Variants in STAT1 observed in about 807,000 individuals in gnomAD.
STAT1 encodes signal transducer and activator of transcription 1-alpha/beta.
STAT1 carries 24 observed loss-of-function variants against 111.7 expected under a neutral mutation model. The ratio of observed to expected loss-of-function variants is 0.21; its 90% CI spans 0.16 to 0.30. STAT1 has a LOEUF of 0.30. Ranked by LOEUF, STAT1 falls within the 10% of genes least tolerant of loss-of-function variation. STAT1 has a pLI of 1.00. For synonymous variants in STAT1, 332 were observed against 326.5 expected, an observed-to-expected ratio of 1.02 and a Z score of -0.18; for missense variants, 351 against 911.9, an observed-to-expected ratio of 0.38 and a Z score of 7.92.
In STAT1 at chr2:190,982,621, T is replaced by C. The variant is rs1039647060; in HGVS notation, c.1447-103A>G. On this transcript the variant is annotated intron_variant, in intron 17 of 24. Coordinates refer to ENST00000361099, the MANE Select transcript of STAT1 (RefSeq NM_007315.4). The surrounding 1 kb of genome is among the most constrained non-coding windows in gnomAD (Gnocchi z 7.3). ...TCCCAAAGTTCAATTCTAGTTTATA[T>C]GACACACAGGTGCTTTCACAGTAGG... The C allele has an allele frequency of 9.3e-6, 12 of 1,292,846 alleles. No homozygotes were observed. The highest frequency in any genetic ancestry group is 2.4e-5 in the South Asian group (2 of 83,216). 80.1% of individuals were successfully genotyped at this position (1,292,846 alleles called of 1,614,324 possible).
At chr2:190,985,857 C>T (rs543501196) in intron 14 of STAT1, among the ~76,000 whole-genome samples, 197 bp from the exon 15 acceptor site, 10 of 152,296 alleles carry the variant, frequency 6.6e-5, no homozygotes, top group South Asian at 2.1e-4. Context: ...CCTCATGGTG[C>T]GGACACCAGT....
rs770905993 is a variant in STAT1, at chr2:190,993,638, C to T, written c.944+1423G>A. Reference sequence around the variant, plus strand: ...GCTGCTGCCCTGACTCTCTGCACCACGGGTAACTGAAGGAAAGGAATGAGA... The same window carrying T: ...GCTGCTGCCCTGACTCTCTGCACCATGGGTAACTGAAGGAAAGGAATGAGA... On this transcript the variant is annotated intron_variant, in intron 10 of 24. Transcript: ENST00000361099. This position sits in a 1 kb window ranked among gnomAD's most constrained non-coding sequence, Gnocchi z 4.1. 81 of 553,660 alleles carry T rather than the reference C, an allele frequency of 1.5e-4. 2 individuals are homozygous for T. Among genetic ancestry groups the T allele is most frequent in the South Asian group, 9.4e-4 (59 of 62,802 alleles). The allele number at this position is 553,660 out of a possible 1,614,324, so 34.3% of individuals were successfully genotyped here. A position where few individuals can be genotyped will look rare whatever the true frequency, so the allele number is the denominator to read the frequency against.
At chr2:191,008,821 T>C in intron 4 of STAT1, 142 bp downstream of exon 4, 2 of 842,862 alleles carry the variant, frequency 2.4e-6, no homozygotes, top group South Asian at 3.4e-5. Flanking sequence ...TTACTGATGC[T>C]GTAGAAAACA....
rs903479268 is a variant in STAT1 at position 190,993,679 on chromosome 2, G to C, written c.944+1382C>G. On this transcript the variant is annotated intron_variant, in intron 10 of 24. Coordinates refer to ENST00000361099, the MANE Select transcript of STAT1 (RefSeq NM_007315.4). This position sits in a 1 kb window ranked among gnomAD's most constrained non-coding sequence, Gnocchi z 4.1. ...AGGAATGAGATAGGCTGTTCTGGGA[G>C]AGTAAATGTCTTCCCCGACTCTGCC... The C allele has an allele frequency of 1.5e-5, 7 of 460,624 alleles. No homozygotes were observed. Among genetic ancestry groups the C allele is most frequent in the Admixed American group, 1.1e-4 (4 of 34,852 alleles). The allele number at this position is 460,624 out of a possible 1,614,324, so 28.5% of individuals were successfully genotyped here. A position where few individuals can be genotyped will look rare whatever the true frequency, so the allele number is the denominator to read the frequency against.
In STAT1 at chr2:190,999,560, TTCGTTA is replaced by T. The variant is rs1694105273; in HGVS notation, c.541+60_541+65del. ...CGGCAAATAGAAAGGAGTAATCATC[TTCGTTA>T]TCTAGTGTGAACAGAAAAAATTGCA... On this transcript the variant is annotated intron_variant, in intron 7 of 24. Coordinates refer to ENST00000361099, the MANE Select transcript of STAT1 (RefSeq NM_007315.4). The surrounding 1 kb of genome is among the most constrained non-coding windows in gnomAD (Gnocchi z 4.1). The T allele has an allele frequency of 1.3e-5, 14 of 1,089,490 alleles. No homozygotes were observed. Among genetic ancestry groups the T allele is most frequent in the Non-Finnish European group, 2.0e-5 (14 of 703,026 alleles). 67.5% of individuals were successfully genotyped at this position (1,089,490 alleles called of 1,614,324 possible).
Position 190,995,298 on chromosome 2 carries a change from T to G in STAT1, c.786-79A>C. On this transcript the variant is annotated intron_variant, in intron 9 of 24. Coordinates refer to ENST00000361099, the MANE Select transcript of STAT1 (RefSeq NM_007315.4). The surrounding 1 kb of genome is among the most constrained non-coding windows in gnomAD (Gnocchi z 4.2). Reference sequence around the variant, plus strand: ...TGGATTAAAGGGAATCATGGTATATTAGTCCATTCTCATGCTGCTAATAAA... The same window carrying G: ...TGGATTAAAGGGAATCATGGTATATGAGTCCATTCTCATGCTGCTAATAAA... 2.2e-6 allele frequency: 3 copies of G among 1,377,794 alleles called. No individual in the cohort carries two copies. The highest frequency in any genetic ancestry group is 3.1e-6 in the Non-Finnish European group (3 of 969,896). 85.3% of individuals were successfully genotyped at this position (1,377,794 alleles called of 1,614,324 possible).
Position 190,989,761 on chromosome 2 carries a change from A to T in STAT1, c.1038-87T>A. ...GCCAATTCCCTATTAACGTTTAGAT[A>T]AACTACTCCCCCTCCAGTTTTAGGG... On this transcript the variant is annotated intron_variant, in intron 11 of 24. Coordinates refer to ENST00000361099, the MANE Select transcript of STAT1 (RefSeq NM_007315.4). This position sits in a 1 kb window ranked among gnomAD's most constrained non-coding sequence, Gnocchi z 5.0. 1.1e-6 allele frequency: 1 copy of T among 916,208 alleles called. No individual in the cohort carries two copies. Among genetic ancestry groups the T allele is most frequent in the East Asian group, 2.6e-5 (1 of 37,774 alleles). The allele number at this position is 916,208 out of a possible 1,614,324, so 56.8% of individuals were successfully genotyped here.
In STAT1 at chr2:190,971,772, G is replaced by A. The variant is rs1057425526; in HGVS notation, c.2239-1055C>T. Among the ~76,000 whole-genome samples the A allele has an allele frequency of 3.3e-5, 5 of 152,042 alleles. No homozygotes were observed. Among genetic ancestry groups the A allele is most frequent in the African/African-American group, 1.2e-4 (5 of 41,454 alleles). ...CTGTTGCCCAGACTGGAGTGCAGTG[G>A]CACCATCTTGGCTCACTGCAACCTC... On this transcript the variant is annotated intron_variant, in intron 24 of 24. Transcript: ENST00000361099. This position sits in a 1 kb window ranked among gnomAD's most constrained non-coding sequence, Gnocchi z 4.1.
chr2:190,992,802 T>G (rs1014019315), intron 10 of STAT1: 1 of 500,920 alleles, frequency 2.0e-6, no homozygotes. Context: ...TCTTTTTTTT[T>G]TTTTTGAGAC....
Position 190,981,740 on chromosome 2 carries a change from A to C in STAT1, c.1582+643T>G, listed in dbSNP as rs1287372444. 1.3e-5 allele frequency among the ~76,000 whole-genome samples: 2 copies of C among 152,254 alleles called. No homozygotes were observed. Among genetic ancestry groups the C allele is most frequent in the Non-Finnish European group, 2.9e-5 (2 of 68,048 alleles). Reference sequence around the variant, plus strand: ...ACAAGTTGTCCACGGATTTTTAAAGAAATAGTTCAGATAGCCTCACTCACT... The same window carrying C: ...ACAAGTTGTCCACGGATTTTTAAAGCAATAGTTCAGATAGCCTCACTCACT... On this transcript the variant is annotated intron_variant, in intron 18 of 24. Transcript: ENST00000361099. The surrounding 1 kb of genome is among the most constrained non-coding windows in gnomAD (Gnocchi z 4.1).
At chr2:191,009,176 G>A in intron 3 of STAT1, 69 bp from the exon 4 acceptor site, 1 of 1,542,794 alleles carries the variant, frequency 6.5e-7, no homozygotes, top group South Asian at 1.2e-5. Context: ...CAAAACAAAT[G>A]TTGGTTTCCT....
chr2:190,994,658 C>T (rs550558255), intron 10 of STAT1, among the ~76,000 whole-genome samples: 92 of 152,100 alleles, frequency 6.0e-4, no homozygotes, highest in African/African-American at 2.2e-3. Flanking sequence ...CAGTGGCTCA[C>T]GCCTGTAATC....
chr2:191,010,306 A>G (rs565708160), intron 2 of STAT1: 6 of 484,992 alleles, frequency 1.2e-5, no homozygotes, highest in Non-Finnish European at 2.1e-5. Context: ...CCCTGGAAAC[A>G]TGCTCTCTCT....
In STAT1 at chr2:190,983,419, T is replaced by C. The variant is rs141856742; in HGVS notation, c.1446+223A>G. ...TAACAATAAAGTGGTATGGAATCAC[T>C]GACTGCCCTAGCTTACCCACATGGG... On this transcript the variant is annotated intron_variant, in intron 17 of 24. Transcript: ENST00000361099. This position sits in a 1 kb window ranked among gnomAD's most constrained non-coding sequence, Gnocchi z 5.7. Among the ~76,000 whole-genome samples, 62 of 152,360 alleles carry C rather than the reference T, an allele frequency of 4.1e-4. No homozygotes were observed. The highest frequency in any genetic ancestry group is 3.4e-3 in the Middle Eastern group (1 of 294).
In STAT1 at chr2:190,999,404, G is replaced by A. The variant is rs576453758; in HGVS notation, c.541+222C>T. On this transcript the variant is annotated intron_variant, in intron 7 of 24. Coordinates refer to ENST00000361099, the MANE Select transcript of STAT1 (RefSeq NM_007315.4). This position sits in a 1 kb window ranked among gnomAD's most constrained non-coding sequence, Gnocchi z 4.1. ...TACTGGCATCTGGTGGGTAAAAGTC[G>A]GGGATGCTGTTAAACACGCTACAAT... Among the ~76,000 whole-genome samples, 20 of 152,212 alleles carry A rather than the reference G, an allele frequency of 1.3e-4. No individual in the cohort carries two copies. Among genetic ancestry groups the A allele is most frequent in the African/African-American group, 3.4e-4 (14 of 41,504 alleles).
Position 190,989,493 on chromosome 2 carries a change from C to T in STAT1, c.1097+122G>A. The stretch of plus-strand genomic sequence containing the variant: ...CTGGGGCCCTAGGGAGGCAAACTTC[C>T]ACCCAGTATAGACCCTTCCACAGCT... On this transcript the variant is annotated intron_variant, in intron 12 of 24. Coordinates refer to ENST00000361099, the MANE Select transcript of STAT1 (RefSeq NM_007315.4). The surrounding 1 kb of genome is among the most constrained non-coding windows in gnomAD (Gnocchi z 5.0). The T allele has an allele frequency of 1.5e-6, 1 of 669,462 alleles. No homozygotes were observed. The highest frequency in any genetic ancestry group is 2.5e-6 in the Non-Finnish European group (1 of 398,602). 41.5% of individuals were successfully genotyped at this position (669,462 alleles called of 1,614,324 possible). A position where few individuals can be genotyped will look rare whatever the true frequency, so the allele number is the denominator to read the frequency against.
In STAT1 at chr2:190,994,957, T is replaced by A. The variant is rs575519150; in HGVS notation, c.944+104A>T. ...ATATATATATATATATATATATATATAAAAAACACCTATTAAACCCTTGTA... is the reference window on the plus strand; with the variant it reads ...ATATATATATATATATATATATATAAAAAAAACACCTATTAAACCCTTGTA... On this transcript the variant is annotated intron_variant, in intron 10 of 24. Transcript: ENST00000361099. The A allele has an allele frequency of 4.5e-3, 1,887 of 416,272 alleles. 13 individuals carry two copies. The highest frequency in any genetic ancestry group is 6.5e-3 in the Non-Finnish European group (1,489 of 227,890). The allele number at this position is 416,272 out of a possible 1,614,324, so 25.8% of individuals were successfully genotyped here.
Position 190,980,774 on chromosome 2 carries a change from C to T in STAT1, c.1583-105G>A. 1 of 1,119,486 alleles carries T rather than the reference C, an allele frequency of 8.9e-7. No individual in the cohort carries two copies. The highest frequency in any genetic ancestry group is 1.3e-5 in the South Asian group (1 of 77,536). 69.3% of individuals were successfully genotyped at this position (1,119,486 alleles called of 1,614,324 possible). A position where few individuals can be genotyped will look rare whatever the true frequency, so the allele number is the denominator to read the frequency against. On this transcript the variant is annotated intron_variant, in intron 18 of 24. Transcript: ENST00000361099. This position sits in a 1 kb window ranked among gnomAD's most constrained non-coding sequence, Gnocchi z 6.1. ...GCTCTCAAGGAAAAGAGCCAAACAC[C>T]CAACAAAGATTGTATGTACACAGTT... is the stretch of plus-strand genomic sequence containing the variant.
chr2:190,985,403 T>C (rs144380922), intron 15 of STAT1, among the ~76,000 whole-genome samples: 8 of 152,364 alleles, frequency 5.3e-5, no homozygotes, highest in African/African-American at 1.9e-4. Flanking sequence ...TCCATGAGTG[T>C]CTAATGAATT....
Sources: gnomAD v4.1 joint callset for allele counts (sites outside exome capture counted in the v4.1 genomes callset) on GRCh38, gnomAD v4.1.1 for gene constraint, Gnocchi (gnomAD v3.1) non-coding constraint, MANE v1.5 for transcripts, NCBI Gene and HGNC (gene_info 2026-07-23, HGNC 2026-07-21) for gene names.